HPS3: variants seen among roughly 807,000 people sequenced by gnomAD.
HPS3 encodes BLOC-2 complex member HPS3.
In HPS3, 79 loss-of-function variants were observed where a neutral mutation model predicts 110.9. The ratio of observed to expected loss-of-function variants is 0.71; its 90% CI spans 0.59 to 0.86. The LOEUF is 0.86. HPS3 is among the 40% of genes least tolerant of loss of function. HPS3 has a pLI of 0.00. For synonymous variants in HPS3, 428 were observed against 451.0 expected, an observed-to-expected ratio of 0.95 and a Z score of 0.65; for missense variants, 1,197 against 1,206.2, an observed-to-expected ratio of 0.99 and a Z score of 0.11.
Position 149,173,638 on chromosome 3 carries a change from T to C in HPS3, c.*1416T>C. 1 of 950,650 alleles carries C rather than the reference T, an allele frequency of 1.1e-6. No homozygotes were observed. The highest frequency in any genetic ancestry group is 1.6e-6 in the Non-Finnish European group (1 of 614,882). 58.9% of individuals were successfully genotyped at this position (950,650 alleles called of 1,614,324 possible). ...TTATAGTCATTCCAAAGTAACATTC[T>C]ATTTTACACTTTCACATACATTGTT... On this transcript the variant is annotated 3_prime_UTR_variant, in exon 17 of 17. Transcript: ENST00000296051.
Position 149,173,697 on chromosome 3 carries a change from T to C in HPS3, c.*1475T>C. On this transcript the variant is annotated 3_prime_UTR_variant, in exon 17 of 17. Transcript: ENST00000296051. ...TTGGTTTTTCTCTTTTTTCCACTTA[T>C]CACCAATTTATTTCATTCAGCCAGA... is the stretch of plus-strand genomic sequence containing the variant. 2.1e-6 allele frequency: 3 copies of C among 1,440,832 alleles called. No individual in the cohort carries two copies. Among genetic ancestry groups the C allele is most frequent in the South Asian group, 1.2e-5 (1 of 81,706 alleles). 89.3% of individuals were successfully genotyped at this position (1,440,832 alleles called of 1,614,324 possible). A position where few individuals can be genotyped will look rare whatever the true frequency, so the allele number is the denominator to read the frequency against.
intron 6 of HPS3, 75 bp from the exon 7 acceptor site, chr3:149,153,419 A>C (rs1576681505): frequency 7.7e-7 from 1 of 1,293,414 alleles, no homozygotes; most frequent in East Asian, 2.3e-5. Flanking sequence ...TTGATCAAAT[A>C]AACTGACTGA....
intron 5 of HPS3, among the ~76,000 whole-genome samples, chr3:149,149,418 A>G (rs1253489429): frequency 3.9e-5 from 6 of 151,924 alleles, no homozygotes; most frequent in Non-Finnish European, 8.8e-5. Context: ...CAGATTTGTA[A>G]GTGGTAGTGC....
At chr3:149,152,191 A>G (rs1482468297) in intron 6 of HPS3, among the ~76,000 whole-genome samples, 1 of 152,204 alleles carries the variant, frequency 6.6e-6, no homozygotes, top group Non-Finnish European at 1.5e-5. Context: ...TCCTTTGTAA[A>G]AATAGAAAAG....
chr3:149,153,110 T>A (rs1386680149), intron 6 of HPS3, among the ~76,000 whole-genome samples: 1 of 152,224 alleles, frequency 6.6e-6, no homozygotes, highest in African/African-American at 2.4e-5. Context: ...CCCCCAACCA[T>A]CCTGCTAGTT....
At position 149,150,635 on chromosome 3, in the gene HPS3, G is replaced by A. The variant is rs377368442; in HGVS notation, c.1200G>A (p.Ala400=). 7.4e-6 allele frequency: 12 copies of A among 1,613,930 alleles called. No individual in the cohort carries two copies. In the Admixed American group the frequency reaches 8.3e-5, roughly 11 times the overall value. ...AGTGTTTCACTGTGCGGTGCAGTGC[G>A]GCGGCAGCTCGTGAGGAGGACCCGT... The part of the protein sequence containing the change: ...NLQCFTVRCS[A]AAAREEDPYM... The change falls in exon 6 of 17, where the codon GCG becomes GCA. Residue 400 remains alanine (A), a synonymous_variant. Coordinates refer to ENST00000296051, the MANE Select transcript of HPS3 (RefSeq NM_032383.5).
At position 149,167,974 on chromosome 3, in the gene HPS3, T is replaced by C. The variant is rs780343349; in HGVS notation, c.2878T>C (p.Ser960Pro). The change falls in exon 16 of 17, where the codon TCA becomes CCA. Residue 960 changes from serine to proline, a missense_variant. Transcript: ENST00000296051. ...GGEKYQLYLS[S>P]LKETLSIVAV... ...AGAGAAGTATCAACTCTACCTGTCATCATTAAAAGGTAAAATGATTTTTTT... is the reference window on the plus strand; with the variant it reads ...AGAGAAGTATCAACTCTACCTGTCACCATTAAAAGGTAAAATGATTTTTTT... The C allele has an allele frequency of 1.2e-5, 18 of 1,547,174 alleles. No homozygotes were observed. Among genetic ancestry groups the C allele is most frequent in the South Asian group, 3.4e-5 (3 of 89,520 alleles).
intron 9 of HPS3, among the ~76,000 whole-genome samples, 159 bp downstream of exon 9, chr3:149,157,690 C>T (rs575703959): frequency 3.9e-5 from 6 of 152,324 alleles, no homozygotes; most frequent in African/African-American, 1.2e-4. Context: ...CTGTTAGGCA[C>T]TGTGCTAGGC....
intron 10 of HPS3, 45 bp downstream of exon 10, chr3:149,158,891 AT>A (rs1723621821): frequency 7.5e-7 from 1 of 1,338,720 alleles, no homozygotes. Flanking sequence ...TTAACATTTC[AT>A]TTTAATGGTT....
chr3:149,155,481 T>C (rs993811490), intron 8 of HPS3, among the ~76,000 whole-genome samples: 10 of 152,168 alleles, frequency 6.6e-5, no homozygotes, highest in African/African-American at 2.4e-4. Context: ...AATCTGAACA[T>C]AGTCTTTGAC....
intron 1 of HPS3, among the ~76,000 whole-genome samples, chr3:149,134,696 T>A (rs1382147584): frequency 6.6e-6 from 1 of 152,206 alleles, no homozygotes; most frequent in East Asian, 1.9e-4. Context: ...AGAGCAGTAC[T>A]GGCTGCAGGA....
At chr3:149,134,987 C>T (rs985171292) in intron 1 of HPS3, among the ~76,000 whole-genome samples, 1 of 152,276 alleles carries the variant, frequency 6.6e-6, no homozygotes, top group East Asian at 1.9e-4. Flanking sequence ...CCCTTTTGGC[C>T]CCTTCCTTCC....
At chr3:149,160,587 A>G (rs1407973766) in intron 11 of HPS3, among the ~76,000 whole-genome samples, 1 of 152,226 alleles carries the variant, frequency 6.6e-6, no homozygotes, top group African/African-American at 2.4e-5. Context: ...CATGAGGGAT[A>G]TGGTGTGTGC....
rs142082044 is a variant in HPS3 at position 149,150,637 on chromosome 3, C to T, written c.1202C>T (p.Ala401Val). 43 of 1,614,082 alleles carry T rather than the reference C, an allele frequency of 2.7e-5. No individual in the cohort carries two copies. The highest frequency in any genetic ancestry group is 1.7e-4 in the Middle Eastern group (1 of 6,058). The part of the protein sequence containing the change: ...LQCFTVRCSA[A>V]AAREEDPYMD... ...TGTTTCACTGTGCGGTGCAGTGCGG[C>T]GGCAGCTCGTGAGGAGGACCCGTAC... is the stretch of plus-strand genomic sequence containing the variant. Residue 401 changes from alanine to valine, a missense_variant, in exon 6 of 17, where the codon GCG becomes GTG. Transcript: ENST00000296051.
At chr3:149,152,951 A>G (rs1723222527) in intron 6 of HPS3, among the ~76,000 whole-genome samples, 1 of 152,166 alleles carries the variant, frequency 6.6e-6, no homozygotes, top group Non-Finnish European at 1.5e-5. Context: ...CACTATTCGT[A>G]CCTAACAGAC....
intron 1 of HPS3, among the ~76,000 whole-genome samples, chr3:149,133,164 A>G (rs1398283837): frequency 6.6e-6 from 1 of 152,248 alleles, no homozygotes; most frequent in African/African-American, 2.4e-5. Context: ...GTTTGAAAAG[A>G]TTAACTCCAA....
intron 6 of HPS3, 104 bp from the exon 7 acceptor site, chr3:149,153,390 T>A: frequency 1.0e-6 from 1 of 980,676 alleles, no homozygotes; most frequent in Non-Finnish European, 1.6e-6. Context: ...GGGTATGGGA[T>A]GGTGGCAGCA....
intron 11 of HPS3, among the ~76,000 whole-genome samples, chr3:149,160,524 C>T (rs1042358573): frequency 2.0e-5 from 3 of 152,060 alleles, no homozygotes; most frequent in Non-Finnish European, 4.4e-5. Flanking sequence ...GTTCAGAGCA[C>T]TGAGCTTGGT....
intron 6 of HPS3, among the ~76,000 whole-genome samples, chr3:149,151,861 C>CT (rs1218387276): frequency 3.3e-5 from 5 of 152,092 alleles, no homozygotes; most frequent in Non-Finnish European, 5.9e-5. Flanking sequence ...ACTGGAATAC[C>CT]TTTTTCCAGA....
Sources: gnomAD v4.1 joint callset for allele counts (sites outside exome capture counted in the v4.1 genomes callset) on GRCh38, gnomAD v4.1.1 for gene constraint, MANE v1.5 for transcripts, NCBI Gene and HGNC (gene_info 2026-07-23, HGNC 2026-07-21) for gene names.